KLHL13: variants seen among roughly 807,000 people sequenced by gnomAD.
KLHL13 encodes the protein kelch-like protein 13.
A neutral mutation model predicts 37.1 loss-of-function variants in KLHL13; 10 were observed. The ratio of observed to expected loss-of-function variants is 0.27; its 90% CI spans 0.17 to 0.46. The LOEUF (loss-of-function observed/expected upper bound fraction) is 0.46. Ranked by LOEUF, KLHL13 falls within the 20% of genes least tolerant of loss-of-function variation. The pLI is 1.00. For synonymous variants in KLHL13, 163 were observed against 181.2 expected (o/e 0.90, Z 0.81); for missense variants, 360 against 509.3 (o/e 0.71, Z 2.82).
At chrX:117,917,515 G>A (rs1192041564) in intron 4 of KLHL13, among the ~76,000 whole-genome samples, 2 of 112,002 alleles carry the variant, frequency 1.8e-5, no homozygotes, top group African/African-American at 6.5e-5. Flanking sequence ...TTTCAACACA[G>A]GTTAAGGAAC....
At chrX:118,030,814 T>C (rs2054329639) in intron 1 of KLHL13, among the ~76,000 whole-genome samples, 1 of 112,148 alleles carries the variant, frequency 8.9e-6, no homozygotes, top group African/African-American at 3.2e-5. Flanking sequence ...CTCTTTTATC[T>C]TGAACGTCCT....
At chrX:117,914,998 A>C (rs1035078195) in intron 4 of KLHL13, among the ~76,000 whole-genome samples, 2 of 111,939 alleles carry the variant, frequency 1.8e-5, no homozygotes, top group East Asian at 5.7e-4. Flanking sequence ...GACCATAAGC[A>C]ACGGGGATGG....
At chrX:117,983,304 C>T (rs984278810) in intron 1 of KLHL13, among the ~76,000 whole-genome samples, 1 of 111,195 alleles carries the variant, frequency 9.0e-6, no homozygotes, top group Non-Finnish European at 1.9e-5. Flanking sequence ...TACAATGATG[C>T]GTGGCATTTT....
chrX:117,948,529 T>C (rs1282394225), intron 1 of KLHL13, among the ~76,000 whole-genome samples: 2 of 112,162 alleles, frequency 1.8e-5, no homozygotes, highest in African/African-American at 6.5e-5. Flanking sequence ...AGTTGTTATT[T>C]GGATCCACTT....
chrX:117,969,694 A>G lies in KLHL13; in HGVS notation c.98+3037T>C, dbSNP rs188482487. ...ATGTCTACCCAATAAAGACTATTTG[A>G]TCATCAATCAATCTAGAGACTGAAG... On this transcript the variant is annotated intron_variant, in intron 1 of 6. Coordinates refer to ENST00000262820, the Ensembl canonical transcript of KLHL13. Among the ~76,000 whole-genome samples the G allele has an allele frequency of 5.1e-4, 57 of 112,005 alleles. 1 individual carries two copies. In the Admixed American group the frequency reaches 5.1e-3, roughly 10 times the overall value.
chrX:118,104,837 CTG>C lies in KLHL13; in HGVS notation c.-56+11669_-56+11670del, dbSNP rs199710475. Among the ~76,000 whole-genome samples the C allele has an allele frequency of 9.3e-3, 1,040 of 112,297 alleles. 14 individuals are homozygous for C. The highest frequency in any genetic ancestry group is 0.032 in the African/African-American group (978 of 30,935). ...AAATTGTGGTGACAGTTGCTCAGCTCTGTGAGTATACTAAACATTACTGAATT... is the reference window on the plus strand; with the variant it reads ...AAATTGTGGTGACAGTTGCTCAGCTCTGAGTATACTAAACATTACTGAATT... On this transcript the variant is annotated intron_variant, in intron 1 of 6. Coordinates refer to the KLHL13 transcript ENST00000371882.
intron 1 of KLHL13, among the ~76,000 whole-genome samples, chrX:118,029,505 A>G (rs184900092): frequency 7.7e-4 from 86 of 112,071 alleles, no homozygotes; most frequent in Non-Finnish European, 1.4e-3. Context: ...CATTTTAGTA[A>G]TGCCGATGTA....
At chrX:118,071,225 A>G (rs754895334) in intron 1 of KLHL13, among the ~76,000 whole-genome samples, 1 of 111,644 alleles carries the variant, frequency 9.0e-6, no homozygotes, top group African/African-American at 3.3e-5. Flanking sequence ...ATACGTGTGC[A>G]TGTGTCTTTA....
intron 1 of KLHL13, among the ~76,000 whole-genome samples, chrX:117,959,257 G>A (rs1459843976): frequency 8.9e-6 from 1 of 112,130 alleles, no homozygotes; most frequent in African/African-American, 3.2e-5. Flanking sequence ...CGCACCCTCT[G>A]TAGGAAAGTG....
At chrX:118,091,613 CTG>C (rs1181828839) in intron 1 of KLHL13, among the ~76,000 whole-genome samples, 6 of 110,283 alleles carry the variant, frequency 5.4e-5, no homozygotes, top group Non-Finnish European at 1.9e-5. Context: ...ATAAAATAAA[CTG>C]AAAAAAATAT....
intron 4 of KLHL13, among the ~76,000 whole-genome samples, chrX:117,919,056 T>G (rs1931539544): frequency 9.0e-6 from 1 of 110,850 alleles, no homozygotes; most frequent in Admixed American, 9.5e-5. Flanking sequence ...GGAGTCTCAC[T>G]CTTGTTGCCC....
At chrX:117,983,627 A>G (rs2053690642) in intron 1 of KLHL13, 2 of 548,818 alleles carry the variant, frequency 3.6e-6, no homozygotes, top group Non-Finnish European at 2.9e-6. Flanking sequence ...ATACCCTGAC[A>G]GCATTTTAGC....
chrX:117,907,092 A>G (rs1930596549), intron 5 of KLHL13, among the ~76,000 whole-genome samples: 1 of 111,525 alleles, frequency 9.0e-6, no homozygotes, highest in African/African-American at 3.3e-5. Flanking sequence ...CCCTTTCAAA[A>G]TGAAACACAG....
intron 1 of KLHL13, among the ~76,000 whole-genome samples, chrX:118,045,648 C>T (rs371152759): frequency 9.1e-6 from 1 of 109,662 alleles, no homozygotes; most frequent in East Asian, 2.9e-4. Context: ...ACTAAAAGTA[C>T]ACACAAAAAA....
At position 118,036,071 on chromosome X, in the gene KLHL13, C is replaced by T. The variant is rs1192499127; in HGVS notation, c.-56+80437G>A. ...GGACCTCTTCAAGGAGAACTACAAA[C>T]CACTGCTCAAGGAAATAAAAGAGGA... On this transcript the variant is annotated intron_variant, in intron 1 of 6. Coordinates refer to the KLHL13 transcript ENST00000371882. Among the ~76,000 whole-genome samples the T allele has an allele frequency of 2.9e-5, 3 of 102,556 alleles. No homozygotes were observed. In the East Asian group the frequency reaches 8.6e-4, roughly 30 times the overall value. 89.1% of individuals were successfully genotyped at this position (102,556 alleles called of 115,157 possible). A position where few individuals can be genotyped will look rare whatever the true frequency, so the allele number is the denominator to read the frequency against.
At chrX:118,076,164 T>C (rs757869593) in intron 1 of KLHL13, among the ~76,000 whole-genome samples, 1 of 111,609 alleles carries the variant, frequency 9.0e-6, no homozygotes, top group Non-Finnish European at 1.9e-5. Context: ...AAAGTTAAAC[T>C]GCAGTTTCAG....
rs181631520 is a variant in KLHL13 at position 118,043,926 on chromosome X, C to A, written c.-56+72582G>T. 1.4e-4 allele frequency among the ~76,000 whole-genome samples: 16 copies of A among 111,682 alleles called. No individual in the cohort carries two copies. In the East Asian group the frequency reaches 4.5e-3, roughly 31 times the overall value. On this transcript the variant is annotated intron_variant, in intron 1 of 6. Coordinates refer to the KLHL13 transcript ENST00000371882. ...GACAAGAGAAAGAAATAAAGGCTTA[C>A]AAAATGGAAAGGAAGAAATCAAACT... is the stretch of plus-strand genomic sequence containing the variant.
intron 1 of KLHL13, among the ~76,000 whole-genome samples, chrX:117,993,390 C>CA (rs1379311241): frequency 8.9e-6 from 1 of 112,254 alleles, no homozygotes; most frequent in Non-Finnish European, 1.9e-5. Flanking sequence ...ATGTGCCAAG[C>CA]AGTGTTATAA....
At chrX:118,089,623 A>AAAG (rs1569313890) in intron 1 of KLHL13, among the ~76,000 whole-genome samples, 20 of 66,208 alleles carry the variant, frequency 3.0e-4, no homozygotes, top group Admixed American at 9.5e-4. Flanking sequence ...AAAGAAAGAG[A>AAAG]AAGAAAGAAA....
Sources: allele counts gnomAD v4.1 joint callset (sites outside exome capture counted in the v4.1 genomes callset), GRCh38; gene constraint gnomAD v4.1.1; transcripts MANE v1.5; gene names NCBI Gene and HGNC (gene_info 2026-07-23, HGNC 2026-07-21).